Variants in YTHDF1 observed in about 807,000 individuals in gnomAD.
YTHDF1 encodes the protein YTH N6-methyladenosine RNA binding protein F1, also known as YTH domain-containing family protein 1.
Under a neutral mutation model 49.1 loss-of-function variants are expected in YTHDF1, and 16 were observed. That is an observed-to-expected ratio of 0.33 (90% CI 0.22 to 0.49). The LOEUF is 0.49. Ranked by LOEUF, YTHDF1 falls within the 20% of genes least tolerant of loss-of-function variation. The pLI, the probability that YTHDF1 is intolerant of heterozygous loss-of-function variation, is 0.99. For synonymous variants in YTHDF1, 313 were observed against 290.1 expected, an observed-to-expected ratio of 1.08 and a Z score of -0.80; for missense variants, 621 against 744.3, an observed-to-expected ratio of 0.83 and a Z score of 1.93.
chr20:63,209,758 C>G (rs2122988391), intron 3 of YTHDF1, among the ~76,000 whole-genome samples: 1 of 152,248 alleles, frequency 6.6e-6, no homozygotes, highest in Non-Finnish European at 1.5e-5. Context: ...ACACAAAAAA[C>G]ACATATTAGC....
chr20:63,210,332 TG>T (rs2066568191), intron 3 of YTHDF1, among the ~76,000 whole-genome samples: 1 of 152,142 alleles, frequency 6.6e-6, no homozygotes, highest in African/African-American at 2.4e-5. Flanking sequence ...GCAGGAAGCC[TG>T]GGGGGCCAGC....
At chr20:63,214,119 C>A (rs113381595) in intron 2 of YTHDF1, 176 bp from the exon 3 acceptor site, 7 of 973,400 alleles carry the variant, frequency 7.2e-6, no homozygotes, top group East Asian at 1.1e-4. Flanking sequence ...AGAAGGGGGA[C>A]GGGAAACTTT....
At chr20:63,213,538 T>C (rs1331534350) in intron 3 of YTHDF1, among the ~76,000 whole-genome samples, 1 of 152,132 alleles carries the variant, frequency 6.6e-6, no homozygotes, top group Non-Finnish European at 1.5e-5. Context: ...GAGCTAAGAA[T>C]AACCAGGAAG....
intron 3 of YTHDF1, among the ~76,000 whole-genome samples, chr20:63,209,895 T>G (rs2066565962): frequency 6.6e-6 from 1 of 152,216 alleles, no homozygotes; most frequent in African/African-American, 2.4e-5. Context: ...GGATTCCTCC[T>G]GAAGAACCTG....
chr20:63,212,833 G>A (rs981812965), intron 3 of YTHDF1, among the ~76,000 whole-genome samples: 4 of 152,132 alleles, frequency 2.6e-5, no homozygotes, highest in African/African-American at 7.2e-5. Context: ...GCATCTAGTG[G>A]GTGGGAAGCC....
chr20:63,204,199 T>C (rs1011044953), intron 3 of YTHDF1, among the ~76,000 whole-genome samples: 2 of 152,212 alleles, frequency 1.3e-5, no homozygotes, highest in Non-Finnish European at 2.9e-5. Context: ...TCATGGGAAC[T>C]GAAACAGCTT....
At chr20:63,199,547 A>C (rs763951758) in intron 4 of YTHDF1, among the ~76,000 whole-genome samples, 25 of 151,512 alleles carry the variant, frequency 1.7e-4, no homozygotes, top group Non-Finnish European at 2.8e-4. Flanking sequence ...ACAAAACTGC[A>C]CTGACTCTTC....
chr20:63,214,670 T>G (rs1477393606), intron 2 of YTHDF1, among the ~76,000 whole-genome samples: 22 of 152,198 alleles, frequency 1.4e-4, no homozygotes, highest in Non-Finnish European at 2.2e-4. Context: ...CTGCATTCTT[T>G]CGAGTTTCTG....
At chr20:63,207,698 T>C (rs969356376) in intron 3 of YTHDF1, among the ~76,000 whole-genome samples, 3 of 151,926 alleles carry the variant, frequency 2.0e-5, no homozygotes, top group Non-Finnish European at 4.4e-5. Flanking sequence ...ACTGACGACC[T>C]CATCGAAGAA....
chr20:63,211,659 TAAAA>T (rs1281575231), intron 3 of YTHDF1, among the ~76,000 whole-genome samples: 1 of 152,110 alleles, frequency 6.6e-6, no homozygotes, highest in Non-Finnish European at 1.5e-5. Context: ...TCCGACTTTA[TAAAA>T]ATATTTTTGG....
At chr20:63,212,901 C>A (rs1279209467) in intron 3 of YTHDF1, among the ~76,000 whole-genome samples, 1 of 152,178 alleles carries the variant, frequency 6.6e-6, no homozygotes, top group Non-Finnish European at 1.5e-5. Flanking sequence ...AGAATGTTCC[C>A]GTGCAAAATG....
chr20:63,214,995 G>A (rs2066594361), intron 2 of YTHDF1, among the ~76,000 whole-genome samples: 2 of 152,188 alleles, frequency 1.3e-5, no homozygotes, highest in African/African-American at 4.8e-5. Context: ...TAAATAAAGT[G>A]CTGGGCCTTT....
chr20:63,213,068 CTT>C (rs1417359817), intron 3 of YTHDF1, among the ~76,000 whole-genome samples: 10 of 152,332 alleles, frequency 6.6e-5, no homozygotes, highest in African/African-American at 2.4e-4. Flanking sequence ...TACTCTCTCT[CTT>C]CTACAGAAAA....
At chr20:63,206,364 T>C (rs1366694414) in intron 3 of YTHDF1, among the ~76,000 whole-genome samples, 1 of 152,200 alleles carries the variant, frequency 6.6e-6, no homozygotes, top group Non-Finnish European at 1.5e-5. Context: ...GGACATCACT[T>C]ACCACATGAA....
intron 4 of YTHDF1, among the ~76,000 whole-genome samples, chr20:63,200,189 T>C (rs1387606025): frequency 6.6e-6 from 1 of 151,918 alleles, no homozygotes; most frequent in Non-Finnish European, 1.5e-5. Flanking sequence ...GGTGAAACCC[T>C]ATCTCTACTA....
At chr20:63,211,221 T>C (rs2066572606) in intron 3 of YTHDF1, among the ~76,000 whole-genome samples, 1 of 152,148 alleles carries the variant, frequency 6.6e-6, no homozygotes, top group South Asian at 2.1e-4. Context: ...TCCTAGCACT[T>C]TGGGAGGCTG....
intron 3 of YTHDF1, among the ~76,000 whole-genome samples, chr20:63,206,647 C>T (rs553633166): frequency 1.3e-5 from 2 of 152,344 alleles, no homozygotes; most frequent in East Asian, 3.9e-4. Flanking sequence ...TCTGTGCTCA[C>T]CGGGTTCCAC....
In YTHDF1 at chr20:63,195,819, TAG is replaced by T. The variant is rs1322040139; in HGVS notation, c.*887_*888del. ...TTACCCATTCAACAGGAAAAAAAATTAGACACACACGATGAAATTTACAACCA... is the reference window on the plus strand; with the variant it reads ...TTACCCATTCAACAGGAAAAAAAATTACACACACGATGAAATTTACAACCA... On this transcript the variant is annotated 3_prime_UTR_variant, in exon 5 of 5. Coordinates refer to ENST00000370339, the MANE Select transcript of YTHDF1 (RefSeq NM_017798.4). The T allele has an allele frequency of 6.6e-6, 1 of 152,182 alleles. No homozygotes were observed. Among genetic ancestry groups the T allele is most frequent in the Non-Finnish European group, 1.5e-5 (1 of 68,036 alleles). The allele number at this position is 152,182 out of a possible 1,614,324, so 9.4% of individuals were successfully genotyped here.
Position 63,203,882 on chromosome 20 carries a change from A to G in YTHDF1, c.133-75T>C, listed in dbSNP as rs1415633919. ...TGAGAATGCCAACCGCCTCTTGCTT[A>G]AGCACAGGTGGAGCAAAAACAAAAC... is the stretch of plus-strand genomic sequence containing the variant. On this transcript the variant is annotated intron_variant, in intron 3 of 4. Coordinates refer to ENST00000370339, the MANE Select transcript of YTHDF1 (RefSeq NM_017798.4). This position sits in a 1 kb window ranked among gnomAD's most constrained non-coding sequence, Gnocchi z 4.4. The G allele has an allele frequency of 1.4e-6, 2 of 1,434,474 alleles. No individual in the cohort carries two copies. The highest frequency in any genetic ancestry group is 1.9e-6 in the Non-Finnish European group (2 of 1,068,272). 88.9% of individuals were successfully genotyped at this position (1,434,474 alleles called of 1,614,324 possible).
Sources: gnomAD v4.1 joint callset for allele counts (sites outside exome capture counted in the v4.1 genomes callset) on GRCh38, gnomAD v4.1.1 for gene constraint, Gnocchi (gnomAD v3.1) non-coding constraint, MANE v1.5 for transcripts, NCBI Gene and HGNC (gene_info 2026-07-23, HGNC 2026-07-21) for gene names.